The following TUBG2 variants were observed in gnomAD, a reference collection of about 807,000 sequenced individuals.
TUBG2 encodes tubulin gamma 2, also known as tubulin gamma-2 chain.
Under a neutral mutation model 55.1 loss-of-function variants are expected in TUBG2, and 39 were observed. The ratio of observed to expected loss-of-function variants is 0.71; its 90% confidence interval spans 0.55 to 0.93. The LOEUF is 0.93. TUBG2 is among the 40% of genes least tolerant of loss of function. The pLI is 0.00. For synonymous variants in TUBG2, 223 were observed against 241.0 expected, an observed-to-expected ratio of 0.93 and a Z score of 0.69; for missense variants, 358 against 599.1, an observed-to-expected ratio of 0.60 and a Z score of 4.20.
Position 42,659,416 on chromosome 17 carries a change from C to T in TUBG2, c.-88C>T. ...CAAGAGGCGAAGAGAGCGCGCGCTCCCCACGTCCTGCGCTCCTGGCTGCCG... is the reference window on the plus strand; with the variant it reads ...CAAGAGGCGAAGAGAGCGCGCGCTCTCCACGTCCTGCGCTCCTGGCTGCCG... On this transcript the variant is annotated 5_prime_UTR_variant, in exon 1 of 11. Coordinates refer to ENST00000251412, the MANE Select transcript of TUBG2 (RefSeq NM_016437.3). 1 of 1,401,526 alleles carries T rather than the reference C, an allele frequency of 7.1e-7. No individual in the cohort carries two copies. The highest frequency in any genetic ancestry group is 9.6e-7 in the Non-Finnish European group (1 of 1,037,934). The allele number at this position is 1,401,526 out of a possible 1,614,324, so 86.8% of individuals were successfully genotyped here. A position where few individuals can be genotyped will look rare whatever the true frequency, so the allele number is the denominator to read the frequency against.
intron 6 of TUBG2, 61 bp from the exon 7 acceptor site, chr17:42,665,415 A>G (rs571756132): frequency 1.9e-5 from 31 of 1,612,300 alleles, no homozygotes; most frequent in Admixed American, 3.3e-5. Context: ...GGCTAAGCCA[A>G]TATCTTATTT....
intron 3 of TUBG2, 101 bp from the exon 4 acceptor site, chr17:42,660,538 G>C: frequency 7.5e-7 from 1 of 1,341,620 alleles, no homozygotes; most frequent in South Asian, 1.2e-5. Flanking sequence ...CTTCAGGGTG[G>C]CAACAATATT....
At chr17:42,659,672 G>C (rs928068848) in intron 1 of TUBG2, 120 bp downstream of exon 1, 29 of 1,385,784 alleles carry the variant, frequency 2.1e-5, no homozygotes, top group Non-Finnish European at 2.8e-5. Context: ...TGCTGCTCTG[G>C]ATAACCCAGA....
intron 4 of TUBG2, among the ~76,000 whole-genome samples, chr17:42,662,467 G>A (rs993067444): frequency 3.3e-5 from 5 of 152,008 alleles, no homozygotes; most frequent in Admixed American, 1.3e-4. Flanking sequence ...TTAGCCAGGC[G>A]TGGTGGTACA....
chr17:42,662,496 C>G (rs1452743719), intron 4 of TUBG2, among the ~76,000 whole-genome samples: 2 of 151,952 alleles, frequency 1.3e-5, no homozygotes, highest in Non-Finnish European at 1.5e-5. Context: ...GTCCCAGCTA[C>G]TTGAGAGGCT....
intron 3 of TUBG2, 96 bp downstream of exon 3, chr17:42,660,412 A>G: frequency 6.4e-7 from 1 of 1,572,510 alleles, no homozygotes; most frequent in South Asian, 1.2e-5. Flanking sequence ...ACAGAAAATA[A>G]GAGACAAAAG....
At chr17:42,659,805 C>G (rs2052340548) in intron 1 of TUBG2, 29 bp from the exon 2 acceptor site, 1 of 1,613,604 alleles carries the variant, frequency 6.2e-7, no homozygotes, top group South Asian at 1.1e-5. Flanking sequence ...AAGGCTCCAG[C>G]AGACCCGGGC....
chr17:42,666,794 G>T lies in TUBG2; in HGVS notation c.1350G>T (p.Glu450Asp). Residue 450 changes from glutamate (E) to aspartate (D), a missense_variant, in exon 11 of 11, where the codon GAG (glutamate) becomes GAT (aspartate). Glu to Asp is a conservative substitution (Grantham distance 45). This residue lies in a region of TUBG2 where 54 missense variants were observed against 50.2 expected (regional missense o/e 1.08). Transcript: ENST00000251412. ...ACTACATTTCCTGGGGCACCCAGGAGCAGTGATTTCCCTCCCCACTACTCC... is the reference window on the plus strand; with the variant it reads ...ACTACATTTCCTGGGGCACCCAGGATCAGTGATTTCCCTCCCCACTACTCC... The part of the protein sequence containing the change: ...QPDYISWGTQ[E>D]Q The T allele has an allele frequency of 6.2e-7, 1 of 1,614,022 alleles. No individual in the cohort carries two copies. Among genetic ancestry groups the T allele is most frequent in the Non-Finnish European group, 8.5e-7 (1 of 1,179,964 alleles).
chr17:42,663,332 A>T, intron 5 of TUBG2, 45 bp from the exon 6 acceptor site: 10 of 1,611,606 alleles, frequency 6.2e-6, no homozygotes, highest in Non-Finnish European at 8.5e-6. Context: ...GCAGTGATGG[A>T]GGGGTCCTTC....
rs2052387371 is a variant in TUBG2, at chr17:42,661,685, G to A, written c.399+978G>A. 3.9e-5 allele frequency among the ~76,000 whole-genome samples: 6 copies of A among 152,336 alleles called. No individual in the cohort carries two copies. In the South Asian group the frequency reaches 1.2e-3, roughly 32 times the overall value. On this transcript the variant is annotated intron_variant, in intron 4 of 10. Transcript: ENST00000251412. Reference sequence around the variant, plus strand: ...CTCCTATGCGCCGGACCCTTCTAGAGCTTCCCCTCGGTATCTCTTCATCTG... The same window carrying A: ...CTCCTATGCGCCGGACCCTTCTAGAACTTCCCCTCGGTATCTCTTCATCTG...
intron 8 of TUBG2, 50 bp downstream of exon 8, chr17:42,665,877 G>T (rs757989811): frequency 6.2e-7 from 1 of 1,611,818 alleles, no homozygotes; most frequent in East Asian, 2.2e-5. Flanking sequence ...GGGCCCAGCA[G>T]GCCCTGCCCC....
Position 42,663,498 on chromosome 17 carries a change from T to C in TUBG2, c.601T>C (p.Cys201Arg). 1 of 1,613,924 alleles carries C rather than the reference T, an allele frequency of 6.2e-7. No individual in the cohort carries two copies. The highest frequency in any genetic ancestry group is 1.1e-5 in the South Asian group (1 of 91,070). ...TLKRLTQNAD[C>R]VVVLDNTALN... ...CAAGAGGCTGACGCAGAACGCAGAT[T>C]GTGTGGTGAGCAAAGAAAGAGTTGA... is the stretch of plus-strand genomic sequence containing the variant. Residue 201 changes from cysteine (C) to arginine (R), a missense_variant, in exon 6 of 11, where the codon TGT becomes CGT. Coordinates refer to ENST00000251412, the MANE Select transcript of TUBG2 (RefSeq NM_016437.3).
At chr17:42,665,915 G>C in intron 8 of TUBG2, 88 bp downstream of exon 8, 1 of 1,596,432 alleles carries the variant, frequency 6.3e-7, no homozygotes, top group Non-Finnish European at 8.5e-7. Context: ...CACTGCCCCA[G>C]GAGCTGCCCT....
Position 42,666,910 on chromosome 17 carries a change from C to T in TUBG2, c.*110C>T. On this transcript the variant is annotated 3_prime_UTR_variant, in exon 11 of 11. Coordinates refer to ENST00000251412, the MANE Select transcript of TUBG2 (RefSeq NM_016437.3). ...TGGACAACCCTTCTTGGTTCATCTC[C>T]AGCCCGTGAGCTGGTCCTGCTTCCT... 8.4e-7 allele frequency: 1 copy of T among 1,189,718 alleles called. No individual in the cohort carries two copies. The highest frequency in any genetic ancestry group is 2.1e-5 in the Admixed American group (1 of 47,066). 73.7% of individuals were successfully genotyped at this position (1,189,718 alleles called of 1,614,324 possible).
chr17:42,664,171 G>A (rs773273484), intron 6 of TUBG2, among the ~76,000 whole-genome samples: 15 of 151,980 alleles, frequency 9.9e-5, no homozygotes, highest in Non-Finnish European at 1.9e-4. Context: ...AGCTACATGG[G>A]AGGCTGAGGT....
At chr17:42,665,037 A>T (rs893096679) in intron 6 of TUBG2, among the ~76,000 whole-genome samples, 2 of 142,972 alleles carry the variant, frequency 1.4e-5, no homozygotes, top group African/African-American at 5.8e-5. Flanking sequence ...TATTTTATTT[A>T]TTTTATTTTA....
chr17:42,661,938 G>T (rs1431225569), intron 4 of TUBG2, among the ~76,000 whole-genome samples: 1 of 152,206 alleles, frequency 6.6e-6, no homozygotes, highest in Admixed American at 6.5e-5. Context: ...CACTCTGTGG[G>T]ATCTGATGCT....
At chr17:42,665,968 G>A (rs909517999) in intron 8 of TUBG2, 119 bp from the exon 9 acceptor site, 11 of 1,590,062 alleles carry the variant, frequency 6.9e-6, no homozygotes, top group South Asian at 2.3e-5. Flanking sequence ...GGCACAGAGC[G>A]GGCGACTTTC....
rs762493014 is a variant in TUBG2, at chr17:42,666,609, G to C, written c.1165G>C (p.Glu389Gln). 5 of 1,614,192 alleles carry C rather than the reference G, an allele frequency of 3.1e-6. No individual in the cohort carries two copies. In the South Asian group the frequency reaches 5.5e-5, roughly 18 times the overall value. The change falls in exon 11 of 11, where the codon GAA (glutamate) becomes CAA (glutamine). Residue 389 changes from glutamate (E) to glutamine (Q), a missense_variant. This residue lies in a region of TUBG2 where 129 missense variants were observed against 251.6 expected (regional missense o/e 0.51). Transcript: ENST00000251412. The part of the protein sequence containing the change: ...ANHTSISSLF[E>Q]SSCQQFDKLR... ...AGATTTTCATCTCTTTCAGCTCTTTGAAAGTTCCTGCCAGCAGTTTGACAA... is the reference window on the plus strand; with the variant it reads ...AGATTTTCATCTCTTTCAGCTCTTTCAAAGTTCCTGCCAGCAGTTTGACAA...
Sources: gnomAD v4.1 joint callset for allele counts (sites outside exome capture counted in the v4.1 genomes callset) on GRCh38, gnomAD v4.1.1 for gene constraint, gnomAD v4.1.1 regional missense constraint, MANE v1.5 for transcripts, NCBI Gene and HGNC (gene_info 2026-07-23, HGNC 2026-07-21) for gene names.